Variants in USP46 observed in about 807,000 individuals in gnomAD.
USP46 encodes the protein ubiquitin carboxyl-terminal hydrolase 46.
USP46 carries 12 observed loss-of-function variants against 44.4 expected under a neutral mutation model. That is an observed-to-expected ratio of 0.27 (90% CI 0.17 to 0.44). The LOEUF (loss-of-function observed/expected upper bound fraction) is 0.44, where lower values mean the gene tolerates loss of function less well. USP46 is among the 20% of genes least tolerant of loss of function. The pLI is 1.00. For missense variants in USP46, 248 were observed against 444.8 expected (o/e 0.56, Z 3.98); for synonymous variants, 155 against 161.5 (o/e 0.96, Z 0.31).
intron 5 of USP46, among the ~76,000 whole-genome samples, chr4:52,608,935 C>T (rs545406599): frequency 6.6e-6 from 1 of 152,220 alleles, no homozygotes; most frequent in South Asian, 2.1e-4. Context: ...GTCTAAGGCG[C>T]TCAAGTGGAA....
chr4:52,626,972 C>T (rs1306430508), intron 3 of USP46, among the ~76,000 whole-genome samples: 1 of 152,146 alleles, frequency 6.6e-6, no homozygotes, highest in Non-Finnish European at 1.5e-5. Flanking sequence ...AAACCCTGGA[C>T]CAGCCTGGAA....
chr4:52,605,848 C>T (rs1560392724), intron 5 of USP46, among the ~76,000 whole-genome samples: 1 of 152,230 alleles, frequency 6.6e-6, no homozygotes, highest in Non-Finnish European at 1.5e-5. Context: ...ATCCTCTTCT[C>T]ACCTTAGGGT....
chr4:52,633,872 CCACAGCACAACACAG>C (rs1419602118), intron 1 of USP46, among the ~76,000 whole-genome samples: 1 of 152,066 alleles, frequency 6.6e-6, no homozygotes, highest in Non-Finnish European at 1.5e-5. Flanking sequence ...GCTGAGTGTA[CCACAGCACAACACAG>C]CACAGCACAG....
At chr4:52,648,251 C>T (rs1718628336) in intron 1 of USP46, among the ~76,000 whole-genome samples, 1 of 152,178 alleles carries the variant, frequency 6.6e-6, no homozygotes. Flanking sequence ...CCTCCAAGAG[C>T]CGATTATTTG....
chr4:52,633,786 C>G (rs1718004552), intron 1 of USP46, among the ~76,000 whole-genome samples: 1 of 152,136 alleles, frequency 6.6e-6, no homozygotes, highest in South Asian at 2.1e-4. Flanking sequence ...ATGACTCATA[C>G]TAAGGATGGC....
chr4:52,610,243 C>A (rs1716890325), intron 5 of USP46, among the ~76,000 whole-genome samples: 2 of 151,882 alleles, frequency 1.3e-5, no homozygotes, highest in Non-Finnish European at 2.9e-5. Flanking sequence ...TTTCTTATAA[C>A]AAGGTTTCCC....
At chr4:52,605,344 G>A (rs547495284) in intron 5 of USP46, among the ~76,000 whole-genome samples, 1 of 152,196 alleles carries the variant, frequency 6.6e-6, no homozygotes, top group East Asian at 1.9e-4. Flanking sequence ...TAAATGTCAT[G>A]GTTTTTCATT....
chr4:52,629,617 C>T lies in USP46; in HGVS notation c.117+1447G>A, dbSNP rs1403938737. The stretch of plus-strand genomic sequence containing the variant: ...CTTTCCTCCTTCCATTTTTTCCTCT[C>T]TTACTCAGTATCTCACCTTTCCCCA... On this transcript the variant is annotated intron_variant, in intron 2 of 8. Transcript: ENST00000441222. 2.6e-5 allele frequency: 12 copies of T among 456,216 alleles called. No homozygotes were observed. The Middle Eastern group carries it at 1.6e-3, about 62-fold the overall frequency. 28.3% of individuals were successfully genotyped at this position (456,216 alleles called of 1,614,324 possible).
intron 5 of USP46, among the ~76,000 whole-genome samples, chr4:52,608,714 G>A (rs942642458): frequency 2.6e-5 from 4 of 152,214 alleles, no homozygotes; most frequent in Non-Finnish European, 5.9e-5. Context: ...CCCAGGCATT[G>A]TTGTTCTTAA....
At chr4:52,636,091 A>G (rs1718105373) in intron 1 of USP46, among the ~76,000 whole-genome samples, 1 of 152,188 alleles carries the variant, frequency 6.6e-6, no homozygotes, top group African/African-American at 2.4e-5. Flanking sequence ...GTGACCTTAC[A>G]ATAGGGAGAT....
rs1039414158 is a variant in USP46 at position 52,595,306 on chromosome 4, G to C, written c.*2334C>G. 1 of 152,606 alleles carries C rather than the reference G, an allele frequency of 6.6e-6. No homozygotes were observed. Among genetic ancestry groups the C allele is most frequent in the African/African-American group, 2.4e-5 (1 of 41,442 alleles). 9.5% of individuals were successfully genotyped at this position (152,606 alleles called of 1,614,324 possible). A position where few individuals can be genotyped will look rare whatever the true frequency, so the allele number is the denominator to read the frequency against. The stretch of plus-strand genomic sequence containing the variant: ...GAGACATGATTGGGAGAAACCTGCA[G>C]CTGCCCAGTGTTTGTTTCATTTATT... On this transcript the variant is annotated 3_prime_UTR_variant, in exon 9 of 9. Transcript: ENST00000441222.
chr4:52,600,887 G>C (rs888727098), intron 7 of USP46, among the ~76,000 whole-genome samples: 1 of 152,112 alleles, frequency 6.6e-6, no homozygotes, highest in Non-Finnish European at 1.5e-5. Context: ...CATATAACTA[G>C]CCAATAAATA....
At chr4:52,611,695 T>C (rs1046317430) in intron 4 of USP46, among the ~76,000 whole-genome samples, 2 of 152,114 alleles carry the variant, frequency 1.3e-5, no homozygotes, top group Non-Finnish European at 1.5e-5. Flanking sequence ...AAGACCAGCC[T>C]GGCCAACATG....
At chr4:52,631,653 C>T (rs1367895438) in intron 1 of USP46, among the ~76,000 whole-genome samples, 2 of 152,184 alleles carry the variant, frequency 1.3e-5, no homozygotes, top group Non-Finnish European at 2.9e-5. Flanking sequence ...ATGGATTTCA[C>T]ATTTTAGCAG....
At chr4:52,645,797 G>T (rs1349173443) in intron 1 of USP46, among the ~76,000 whole-genome samples, 1 of 152,146 alleles carries the variant, frequency 6.6e-6, no homozygotes, top group Non-Finnish European at 1.5e-5. Flanking sequence ...ACAATTCTAG[G>T]GGCCTGGTGG....
Position 52,638,283 on chromosome 4 carries a change from C to T in USP46, c.37-7139G>A, listed in dbSNP as rs77609470. Among the ~76,000 whole-genome samples, 1,054 of 152,114 alleles carry T rather than the reference C, an allele frequency of 6.9e-3. 6 individuals carry two copies. The highest frequency in any genetic ancestry group is 0.011 in the Non-Finnish European group (735 of 68,004). On this transcript the variant is annotated intron_variant, in intron 1 of 8. Coordinates refer to ENST00000441222, the MANE Select transcript of USP46 (RefSeq NM_022832.4). ...CGGAGAGACTGAAGATGCCATGCTG[C>T]TGGCCTTGAAGAGGGAAGAAGGAGC...
chr4:52,623,306 T>C (rs2109624908), intron 4 of USP46, among the ~76,000 whole-genome samples: 1 of 152,282 alleles, frequency 6.6e-6, no homozygotes, highest in South Asian at 2.1e-4. Context: ...TGTTTAAACG[T>C]ATACAAAGTT....
Position 52,592,443 on chromosome 4 carries a change from C to T in USP46, c.*5197G>A, listed in dbSNP as rs1169594826. On this transcript the variant is annotated 3_prime_UTR_variant, in exon 9 of 9. Coordinates refer to ENST00000441222, the MANE Select transcript of USP46 (RefSeq NM_022832.4). ...CAAATCCCATGTTGAATTGTAATCCCCAGTGTTGGAGGTGGGGCCTGGTGG... is the reference window on the plus strand; with the variant it reads ...CAAATCCCATGTTGAATTGTAATCCTCAGTGTTGGAGGTGGGGCCTGGTGG... The T allele has an allele frequency of 6.5e-6, 1 of 154,640 alleles. No homozygotes were observed. Among genetic ancestry groups the T allele is most frequent in the Non-Finnish European group, 1.4e-5 (1 of 69,736 alleles). The allele number at this position is 154,640 out of a possible 1,614,324, so 9.6% of individuals were successfully genotyped here. A position where few individuals can be genotyped will look rare whatever the true frequency, so the allele number is the denominator to read the frequency against.
chr4:52,616,395 C>T (rs1237279959), intron 4 of USP46, among the ~76,000 whole-genome samples: 4 of 151,966 alleles, frequency 2.6e-5, no homozygotes, highest in East Asian at 3.9e-4. Context: ...TTCTTTGAGA[C>T]GGAGTCTTGC....
Sources: gnomAD v4.1 joint callset for allele counts (sites outside exome capture counted in the v4.1 genomes callset) on GRCh38, gnomAD v4.1.1 for gene constraint, MANE v1.5 for transcripts, NCBI Gene and HGNC (gene_info 2026-07-23, HGNC 2026-07-21) for gene names.